The following KMT2A variants were observed in gnomAD, a reference collection of about 807,000 sequenced individuals.
The protein encoded by KMT2A is lysine methyltransferase 2A.
Under a neutral mutation model 345.3 loss-of-function variants are expected in KMT2A, and 16 were observed. That is an observed-to-expected ratio of 0.05 (90% CI 0.03 to 0.07). KMT2A has a LOEUF of 0.07. Among genes scored for constraint, KMT2A ranks in the 10% least tolerant of loss-of-function variants. KMT2A has a pLI of 1.00. For missense variants in KMT2A, 3,272 were observed against 4,841.6 expected (o/e 0.68, Z 9.62); for synonymous variants, 1,599 against 1,778.6 (o/e 0.90, Z 2.54).
Position 118,506,297 on chromosome 11 carries a change from C to T in KMT2A, c.10405C>T (p.His3469Tyr), listed in dbSNP as rs1434227722. 1 of 1,614,070 alleles carries T rather than the reference C, an allele frequency of 6.2e-7. No individual in the cohort carries two copies. Among genetic ancestry groups the T allele is most frequent in the Non-Finnish European group, 8.5e-7 (1 of 1,180,036 alleles). ...GCTCCTTGCCAGCAAAACTGGGATT[C>T]ATTCTTCCCAGCGTGATCTTGATTC... The part of the protein sequence containing the change: ...NQLLASKTGI[H>Y]SSQRDLDSAS... Residue 3469 changes from histidine to tyrosine, a missense_variant, in exon 27 of 36, where the codon CAT (histidine) becomes TAT (tyrosine). His to Tyr is a moderately conservative substitution (Grantham distance 83). This residue lies in a region of KMT2A where 748 missense variants were observed against 922.2 expected (regional missense o/e 0.81). Transcript: ENST00000534358.
intron 31 of KMT2A, among the ~76,000 whole-genome samples, chr11:118,518,849 G>A (rs540824392): frequency 3.3e-5 from 5 of 150,540 alleles, no homozygotes; most frequent in South Asian, 2.1e-4. Flanking sequence ...AGGCCAAGGC[G>A]GGTGGATCAC....
intron 1 of KMT2A, 101 bp downstream of exon 1, chr11:118,437,045 T>A (rs1949200540): frequency 7.8e-7 from 1 of 1,280,678 alleles, no homozygotes; most frequent in African/African-American, 1.6e-5. Flanking sequence ...TCTGGGACCA[T>A]CTCGGGGTCC....
intron 1 of KMT2A, chr11:118,450,391 C>G (rs1266569673): frequency 6.6e-6 from 1 of 152,102 alleles, no homozygotes; most frequent in Non-Finnish European, 1.5e-5. Context: ...TCACCTGTCT[C>G]ATTTGCTTTG....
rs147102502 is a variant in KMT2A, at chr11:118,473,163, T to G, written c.2004T>G (p.Ser668=). 95 of 1,614,058 alleles carry G rather than the reference T, an allele frequency of 5.9e-5. 1 individual carries two copies. The highest frequency in any genetic ancestry group is 1.6e-4 in the Middle Eastern group (1 of 6,084). Residue 668 remains serine (S), a synonymous_variant, in exon 3 of 36, where the codon TCT becomes TCG. Coordinates refer to ENST00000534358, the MANE Select transcript of KMT2A (RefSeq NM_001197104.2). The surrounding 1 kb of genome is among the most constrained non-coding windows in gnomAD (Gnocchi z 5.2). ...PEDVGFASGF[S]ASGTAASARL... ...ACGTTGGCTTTGCATCTGGTTTTTC[T>G]GCATCTGGTACCGCTGCTTCAGCCC... is the stretch of plus-strand genomic sequence containing the variant.
At chr11:118,509,646 A>G (rs1489768365) in intron 29 of KMT2A, among the ~76,000 whole-genome samples, 1 of 152,198 alleles carries the variant, frequency 6.6e-6, no homozygotes, top group Non-Finnish European at 1.5e-5. Context: ...AAGATTAGAG[A>G]GTTCTGGGTA....
chr11:118,471,877 G>C lies in KMT2A; in HGVS notation c.718G>C (p.Asp240His). ...GVKIKITHGK[D>H]ISELPKGNKE... ...AAAAATCAAAATAACACATGGAAAG[G>C]ACATTTCAGAGTTACCAAAGGGAAA... Residue 240 changes from aspartate (D) to histidine (H), a missense_variant, in exon 3 of 36, where the codon GAC (aspartate) becomes CAC (histidine). Transcript: ENST00000534358. The C allele has an allele frequency of 1.2e-6, 2 of 1,613,096 alleles. No individual in the cohort carries two copies. Among genetic ancestry groups the C allele is most frequent in the South Asian group, 1.1e-5 (1 of 90,954 alleles).
Position 118,498,550 on chromosome 11 carries a change from T to TTAAA in KMT2A, c.5961+22_5961+23insTAAA. ...CGAAGTGAGAGAGCTTTAGTTGCTT[T>TTAAA]AAAAAAAAAAAAAAAGACTTTTTTA... On this transcript the variant is annotated intron_variant, in intron 22 of 35. Transcript: ENST00000534358. The surrounding 1 kb of genome is among the most constrained non-coding windows in gnomAD (Gnocchi z 4.4). 1 of 1,441,358 alleles carries TTAAA rather than the reference T, an allele frequency of 6.9e-7. No individual in the cohort carries two copies. Among genetic ancestry groups the TTAAA allele is most frequent in the African/African-American group, 1.5e-5 (1 of 67,248 alleles). The allele number at this position is 1,441,358 out of a possible 1,614,324, so 89.3% of individuals were successfully genotyped here.
intron 29 of KMT2A, 53 bp downstream of exon 29, chr11:118,509,253 T>A (rs2134428057): frequency 2.9e-6 from 4 of 1,389,064 alleles, no homozygotes; most frequent in Non-Finnish European, 4.0e-6. Flanking sequence ...CTAAAAGGAT[T>A]ATGAGAATCA....
rs1224415569 is a variant in KMT2A at position 118,510,391 on chromosome 11, G to A, written c.11071+273G>A. On this transcript the variant is annotated intron_variant, in intron 30 of 35. Coordinates refer to ENST00000534358, the MANE Select transcript of KMT2A (RefSeq NM_001197104.2). The surrounding 1 kb of genome is among the most constrained non-coding windows in gnomAD (Gnocchi z 4.1). ...GAACTCTGCTTCCCCCTCCAGCCTT[G>A]TTTTTTGCCATTCCCTCATGCGCCT... 6.6e-6 allele frequency among the ~76,000 whole-genome samples: 1 copy of A among 152,130 alleles called. No individual in the cohort carries two copies. The highest frequency in any genetic ancestry group is 1.5e-5 in the Non-Finnish European group (1 of 67,998).
rs782489222 is a variant in KMT2A at position 118,502,877 on chromosome 11, C to T, written c.6985C>T (p.Pro2329Ser). The change falls in exon 27 of 36, where the codon CCT (proline) becomes TCT (serine). Residue 2329 changes from proline to serine, a missense_variant. Physicochemically the swap from Pro to Ser is moderately conservative, Grantham distance 74. This residue lies in a region of KMT2A where 445 missense variants were observed against 500.9 expected (regional missense o/e 0.89). Transcript: ENST00000534358. The surrounding 1 kb of genome is among the most constrained non-coding windows in gnomAD (Gnocchi z 4.9). The part of the protein sequence containing the change: ...SEGSAHNVAY[P>S]GIPKLAPQVH... ...GGGATCTGCACATAATGTGGCTTAC[C>T]CTGGAATTCCTAAACTGGCCCCACA... 1.2e-6 allele frequency: 2 copies of T among 1,614,118 alleles called. No individual in the cohort carries two copies. The highest frequency in any genetic ancestry group is 1.6e-4 in the Middle Eastern group (1 of 6,062).
intron 1 of KMT2A, among the ~76,000 whole-genome samples, chr11:118,447,193 G>A (rs144675903): frequency 2.3e-4 from 35 of 152,114 alleles, no homozygotes; most frequent in African/African-American, 8.4e-4. Flanking sequence ...ATTTAACCCC[G>A]TATACCTTAT....
intron 31 of KMT2A, among the ~76,000 whole-genome samples, chr11:118,514,602 G>A (rs893599603): frequency 1.3e-5 from 2 of 151,302 alleles, no homozygotes; most frequent in African/African-American, 4.9e-5. Context: ...TACCACACCC[G>A]GCTATTTTTT....
chr11:118,504,764 T>G lies in KMT2A; in HGVS notation c.8872T>G (p.Ser2958Ala). The G allele has an allele frequency of 6.2e-7, 1 of 1,614,034 alleles. No homozygotes were observed. The highest frequency in any genetic ancestry group is 8.5e-7 in the Non-Finnish European group (1 of 1,180,002). ...CAGTAGACTAGCTGTTATCTCAGAC[T>G]CAGGGGAGAAGAGAGTAACCATCAC... ...NPSRLAVISD[S>A]GEKRVTITEK... The change falls in exon 27 of 36, where the codon TCA becomes GCA. Residue 2958 changes from serine (S) to alanine (A), a missense_variant. Transcript: ENST00000534358. The surrounding 1 kb of genome is among the most constrained non-coding windows in gnomAD (Gnocchi z 6.4).
At chr11:118,480,471 T>C (rs1950111935) in intron 6 of KMT2A, among the ~76,000 whole-genome samples, 1 of 152,154 alleles carries the variant, frequency 6.6e-6, no homozygotes, top group Admixed American at 6.5e-5. Context: ...AAAATCATAG[T>C]TCATTATATT....
At chr11:118,437,607 C>T (rs1555139075) in intron 1 of KMT2A, among the ~76,000 whole-genome samples, 1 of 149,112 alleles carries the variant, frequency 6.7e-6, no homozygotes, top group African/African-American at 2.5e-5. Context: ...AATCTCTCCT[C>T]TGCACCTTGC....
chr11:118,443,313 G>A (rs544750320), intron 1 of KMT2A, among the ~76,000 whole-genome samples: 1 of 152,248 alleles, frequency 6.6e-6, no homozygotes, highest in African/African-American at 2.4e-5. Flanking sequence ...CCCATAAAAT[G>A]GTTCTTTATG....
rs1555039610 is a variant in KMT2A, at chr11:118,482,438, A to G, written c.4029A>G (p.Lys1343=). 2 of 1,613,686 alleles carry G rather than the reference A, an allele frequency of 1.2e-6. No homozygotes were observed. Among genetic ancestry groups the G allele is most frequent in the Admixed American group, 1.7e-5 (1 of 59,960 alleles). ...PPPESGPEQS[K]QKKVAPRPSI... The stretch of plus-strand genomic sequence containing the variant: ...ATTTTTTAGGTCCAGAGCAGAGCAA[A>G]CAGAAAAAAGTGGCTCCCCGCCCAA... Residue 1343 remains lysine (K), a synonymous_variant, in exon 8 of 36, where the codon AAA becomes AAG. Transcript: ENST00000534358.
intron 31 of KMT2A, among the ~76,000 whole-genome samples, chr11:118,518,921 C>T (rs1436668416): frequency 6.7e-6 from 1 of 149,874 alleles, no homozygotes; most frequent in African/African-American, 2.5e-5. Flanking sequence ...ACTAAAAATA[C>T]GAAAAAAATT....
chr11:118,518,971 G>A lies in KMT2A; in HGVS notation c.11147-647G>A, dbSNP rs571125125. ...GCGGCGCCCGTAGTCCCAGCTACTC[G>A]GGAGGCTGAGGTAGGAGAATGGCGT... On this transcript the variant is annotated intron_variant, in intron 31 of 35. Coordinates refer to ENST00000534358, the MANE Select transcript of KMT2A (RefSeq NM_001197104.2). Among the ~76,000 whole-genome samples, 43 of 144,878 alleles carry A rather than the reference G, an allele frequency of 3.0e-4. 1 individual carries two copies. The South Asian group carries it at 7.4e-3, about 25-fold the overall frequency.
Sources: gnomAD v4.1 joint callset for allele counts (sites outside exome capture counted in the v4.1 genomes callset) on GRCh38, gnomAD v4.1.1 for gene constraint, gnomAD v4.1.1 regional missense constraint, Gnocchi (gnomAD v3.1) non-coding constraint, MANE v1.5 for transcripts, NCBI Gene and HGNC (gene_info 2026-07-23, HGNC 2026-07-21) for gene names.